BTBD7: variants seen among roughly 807,000 people sequenced by gnomAD.
BTBD7 encodes BTB domain containing 7, also known as BTB/POZ domain-containing protein 7.
A neutral mutation model predicts 99.9 loss-of-function variants in BTBD7; 38 were observed. The observed-to-expected ratio is 0.38, with a 90% CI of 0.29 to 0.50. The LOEUF (loss-of-function observed/expected upper bound fraction) is 0.50, where lower values mean the gene tolerates loss of function less well. BTBD7 is among the 20% of genes least tolerant of loss of function. The pLI is 0.93. For missense variants in BTBD7, 1,170 were observed against 1,394.6 expected, an observed-to-expected ratio of 0.84 and a Z score of 2.57; for synonymous variants, 520 against 511.4, an observed-to-expected ratio of 1.02 and a Z score of -0.23.
rs1389160496 is a variant in BTBD7, at chr14:93,296,254, A to G, written c.-106-97T>C. On this transcript the variant is annotated intron_variant, in intron 1 of 10. Transcript: ENST00000334746. Reference sequence around the variant, plus strand: ...CTACTGAAAACTGCTTTCATTCACAAATAACAACACGCTGTCAAATTCACA... The same window carrying G: ...CTACTGAAAACTGCTTTCATTCACAGATAACAACACGCTGTCAAATTCACA... The G allele has an allele frequency of 3.6e-6, 3 of 837,772 alleles. No homozygotes were observed. The African/African-American group carries it at 5.3e-5, about 15-fold the overall frequency. 51.9% of individuals were successfully genotyped at this position (837,772 alleles called of 1,614,324 possible).
chr14:93,317,134 C>T (rs536070291), intron 1 of BTBD7, among the ~76,000 whole-genome samples: 6 of 152,038 alleles, frequency 3.9e-5, no homozygotes, highest in African/African-American at 1.2e-4. Flanking sequence ...GCCTCCCGAG[C>T]GGCTAAGATT....
At chr14:93,262,289 C>T (rs1456672363) in intron 4 of BTBD7, among the ~76,000 whole-genome samples, 2 of 152,072 alleles carry the variant, frequency 1.3e-5, no homozygotes, top group African/African-American at 4.8e-5. Context: ...CCCGCCACCA[C>T]GCCTGGCTAA....
intron 3 of BTBD7, chr14:93,288,309 C>A: frequency 1.7e-6 from 1 of 590,204 alleles, no homozygotes; most frequent in Non-Finnish European, 3.0e-6. Flanking sequence ...GATGAATACT[C>A]TAGTTTTATT....
chr14:93,286,471 T>A (rs1188146686), intron 3 of BTBD7, among the ~76,000 whole-genome samples: 1 of 152,218 alleles, frequency 6.6e-6, no homozygotes, highest in Non-Finnish European at 1.5e-5. Context: ...TGAGCCCACA[T>A]TACCCTCAAC....
chr14:93,304,820 G>T (rs762161819), intron 1 of BTBD7, among the ~76,000 whole-genome samples: 1 of 152,114 alleles, frequency 6.6e-6, no homozygotes, highest in East Asian at 1.9e-4. Context: ...AAAATACAAG[G>T]GTATACTTCT....
chr14:93,257,166 G>GA (rs1566838315), intron 6 of BTBD7, 29 bp downstream of exon 6: 2 of 1,596,468 alleles, frequency 1.3e-6, no homozygotes, highest in Admixed American at 1.8e-5. Context: ...TTCTTTTCAT[G>GA]AAAGGAATAC....
At chr14:93,247,676 A>G (rs1383708367) in intron 9 of BTBD7, among the ~76,000 whole-genome samples, 1 of 152,202 alleles carries the variant, frequency 6.6e-6, no homozygotes, top group East Asian at 1.9e-4. Flanking sequence ...GTACGGATTA[A>G]AGGGGTTTGG....
At chr14:93,300,704 T>TTGTGTGTGTGTGTGTGTG (rs57228905) in intron 1 of BTBD7, among the ~76,000 whole-genome samples, 3 of 87,094 alleles carry the variant, frequency 3.4e-5, no homozygotes, top group Admixed American at 1.5e-4. Flanking sequence ...CCCAGCTAAT[T>TTGTGTGTGTGTGTGTGTG]TGTGTGTGTG....
intron 3 of BTBD7, among the ~76,000 whole-genome samples, chr14:93,292,952 C>A (rs920430671): frequency 6.6e-6 from 1 of 152,144 alleles, no homozygotes; most frequent in Non-Finnish European, 1.5e-5. Flanking sequence ...ATGTCTCTTA[C>A]CCAAACCATT....
At chr14:93,277,504 T>C (rs941821276) in intron 3 of BTBD7, among the ~76,000 whole-genome samples, 2 of 152,154 alleles carry the variant, frequency 1.3e-5, no homozygotes, top group African/African-American at 4.8e-5. Flanking sequence ...ACAGAAAGGA[T>C]ATACCACTAG....
At chr14:93,273,756 C>T (rs928800593) in intron 3 of BTBD7, among the ~76,000 whole-genome samples, 2 of 152,212 alleles carry the variant, frequency 1.3e-5, no homozygotes, top group African/African-American at 4.8e-5. Flanking sequence ...TGCCTTCTCT[C>T]ACTACCTCCA....
intron 1 of BTBD7, among the ~76,000 whole-genome samples, chr14:93,307,579 A>G (rs759909477): frequency 1.3e-5 from 2 of 152,006 alleles, no homozygotes; most frequent in African/African-American, 4.8e-5. Context: ...TCTTACTCCT[A>G]CCTCAGGGCT....
chr14:93,261,453 C>T lies in BTBD7; in HGVS notation c.1447+149G>A, dbSNP rs1002908116. 2.3e-5 allele frequency: 16 copies of T among 705,456 alleles called. No homozygotes were observed. In the African/African-American group the frequency reaches 2.5e-4, roughly 11 times the overall value. 43.7% of individuals were successfully genotyped at this position (705,456 alleles called of 1,614,324 possible). On this transcript the variant is annotated intron_variant, in intron 5 of 10. Transcript: ENST00000334746. ...TTTATTTTAATAAACTATACCCTGT[C>T]CACTAAAGGATTTTGCTGGTGGTAA...
At chr14:93,324,747 T>TA (rs1476533214) in intron 1 of BTBD7, among the ~76,000 whole-genome samples, 35 of 152,282 alleles carry the variant, frequency 2.3e-4, no homozygotes, top group Middle Eastern at 6.8e-3. Context: ...TCGGTACAAA[T>TA]AAGAGTTTAC....
At chr14:93,329,274 C>A (rs2053370306) in intron 1 of BTBD7, among the ~76,000 whole-genome samples, 1 of 151,944 alleles carries the variant, frequency 6.6e-6, no homozygotes, top group Non-Finnish European at 1.5e-5. Flanking sequence ...AGATGCTTAA[C>A]ATCACCAATC....
At chr14:93,280,218 T>C (rs2139738428) in intron 3 of BTBD7, among the ~76,000 whole-genome samples, 1 of 152,306 alleles carries the variant, frequency 6.6e-6, no homozygotes, top group African/African-American at 2.4e-5. Flanking sequence ...TTCTGACTGC[T>C]CATAATTAGA....
chr14:93,290,509 GC>G, intron 3 of BTBD7, among the ~76,000 whole-genome samples: 1 of 123,068 alleles, frequency 8.1e-6, no homozygotes, highest in South Asian at 2.7e-4. Context: ...ACTGCACTTG[GC>G]CTTTTTTTTT....
rs530869099 is a variant in BTBD7 at position 93,238,584 on chromosome 14, A to G, written c.*3689T>C. On this transcript the variant is annotated 3_prime_UTR_variant, in exon 11 of 11. Coordinates refer to ENST00000334746, the MANE Select transcript of BTBD7 (RefSeq NM_001002860.4). ...CATTTCCCTTTGAATTCAGTCCTAA[A>G]AATATGAATGCCTTATAATTAATTT... 6.6e-6 allele frequency: 1 copy of G among 152,536 alleles called. No homozygotes were observed. Among genetic ancestry groups the G allele is most frequent in the East Asian group, 1.9e-4 (1 of 5,192 alleles). 9.4% of individuals were successfully genotyped at this position (152,536 alleles called of 1,614,324 possible).
At chr14:93,256,968 G>A in intron 6 of BTBD7, 2 of 490,398 alleles carry the variant, frequency 4.1e-6, no homozygotes, top group East Asian at 3.2e-5. Context: ...GCTCTTGCAT[G>A]AGTAAGACCT....
Sources: gnomAD v4.1 joint callset for allele counts (sites outside exome capture counted in the v4.1 genomes callset) on GRCh38, gnomAD v4.1.1 for gene constraint, MANE v1.5 for transcripts, NCBI Gene and HGNC (gene_info 2026-07-23, HGNC 2026-07-21) for gene names.